The following SEM1 variants were observed in gnomAD, a reference collection of about 807,000 sequenced individuals.
SEM1 encodes the protein SEM1 26S proteasome subunit, also known as 26S proteasome complex subunit SEM1.
Under a neutral mutation model 12.7 loss-of-function variants are expected in SEM1, and 3 were observed. That is an observed-to-expected ratio of 0.24 (90% CI 0.11 to 0.61). The LOEUF is 0.61. SEM1 is among the 20% of genes least tolerant of loss of function. The pLI, the probability that SEM1 is intolerant of heterozygous loss-of-function variation, is 0.88. For missense variants in SEM1, 59 were observed against 81.3 expected (o/e 0.73, Z 1.06); for synonymous variants, 30 against 27.8 (o/e 1.08, Z -0.25).
At chr7:96,684,667 G>A (rs2115753683), downstream of SEM1, among the ~76,000 whole-genome samples, 1 of 152,158 alleles carries the variant, frequency 6.6e-6, no homozygotes, top group East Asian at 1.9e-4. Context: ...GTTGAATGTG[G>A]GTCTATTTAC....
At chr7:96,700,874 C>A (rs369526808) in intron 1 of SEM1, among the ~76,000 whole-genome samples, 3 of 152,076 alleles carry the variant, frequency 2.0e-5, no homozygotes, top group South Asian at 2.1e-4. Flanking sequence ...TCTGTATATA[C>A]CCCTAAATAA....
intron 2 of SEM1, among the ~76,000 whole-genome samples, chr7:96,523,748 T>C (rs1804358425): frequency 6.6e-6 from 1 of 152,150 alleles, no homozygotes; most frequent in Non-Finnish European, 1.5e-5. Context: ...TCAAATATGC[T>C]GGCTCCTTCA....
At chr7:96,583,182 C>T (rs1475025579) in intron 2 of SEM1, among the ~76,000 whole-genome samples, 2 of 150,232 alleles carry the variant, frequency 1.3e-5, no homozygotes, top group African/African-American at 2.5e-5. Flanking sequence ...TCTTTGTTCT[C>T]GTTGGTTTCA....
intron 2 of SEM1, among the ~76,000 whole-genome samples, chr7:96,531,429 CA>C (rs57949407): frequency 1.3e-4 from 19 of 146,352 alleles, no homozygotes; most frequent in Admixed American, 3.4e-4. Context: ...AAAAAAACAA[CA>C]AAAAAAAACA....
chr7:96,502,041 C>G (rs1270904838), intron 3 of SEM1, among the ~76,000 whole-genome samples: 1 of 152,128 alleles, frequency 6.6e-6, no homozygotes, highest in Admixed American at 6.6e-5. Context: ...ATTCATGTTG[C>G]TGCAAAGGAC....
chr7:96,513,510 A>G (rs1803994465), intron 2 of SEM1, among the ~76,000 whole-genome samples: 1 of 152,142 alleles, frequency 6.6e-6, no homozygotes, highest in Non-Finnish European at 1.5e-5. Context: ...GTTTCTTTCC[A>G]GGTCTTTTAT....
At chr7:96,484,123 G>T in intron 3 of SEM1, 2 of 850,996 alleles carry the variant, frequency 2.4e-6, no homozygotes, top group South Asian at 2.0e-5. Context: ...AGAAAACTGA[G>T]GTATAACTGT....
intron 2 of SEM1, among the ~76,000 whole-genome samples, chr7:96,612,632 T>G (rs1043323133): frequency 1.3e-5 from 2 of 152,004 alleles, no homozygotes; most frequent in Non-Finnish European, 1.5e-5. Context: ...TTGCTTTTGG[T>G]TTTTTTTGTT....
chr7:96,603,845 A>G (rs1257740902), intron 2 of SEM1, among the ~76,000 whole-genome samples: 1 of 150,778 alleles, frequency 6.6e-6, no homozygotes, highest in Non-Finnish European at 1.5e-5. Context: ...CACTAAACTT[A>G]CCTTTCCCAC....
intron 3 of SEM1, among the ~76,000 whole-genome samples, chr7:96,503,097 A>G (rs1354675341): frequency 6.6e-6 from 1 of 152,132 alleles, no homozygotes; most frequent in Non-Finnish European, 1.5e-5. Flanking sequence ...ACTGGTCATT[A>G]TTTCTCTACT....
chr7:96,699,729 T>C (rs1388815478), intron 1 of SEM1, among the ~76,000 whole-genome samples: 1 of 152,230 alleles, frequency 6.6e-6, no homozygotes, highest in Admixed American at 6.5e-5. Flanking sequence ...TGAACTGCTG[T>C]TGCACTTTAC....
At chr7:96,693,376 T>C (rs1315147127) in intron 2 of SEM1, among the ~76,000 whole-genome samples, 1 of 152,020 alleles carries the variant, frequency 6.6e-6, no homozygotes, top group Non-Finnish European at 1.5e-5. Context: ...ACTAGACATC[T>C]ATATGCAGAA....
At chr7:96,541,340 G>T (rs1271183958) in intron 2 of SEM1, among the ~76,000 whole-genome samples, 1 of 151,124 alleles carries the variant, frequency 6.6e-6, no homozygotes, top group Admixed American at 6.6e-5. Flanking sequence ...CTGATGGTTA[G>T]TGATGCTGAA....
At chr7:96,577,566 T>C (rs1422164691) in intron 2 of SEM1, among the ~76,000 whole-genome samples, 4 of 152,092 alleles carry the variant, frequency 2.6e-5, no homozygotes, top group East Asian at 3.8e-4. Context: ...AATGTTTCCC[T>C]GAGAATTCAA....
At chr7:96,550,027 G>A (rs936996144) in intron 2 of SEM1, among the ~76,000 whole-genome samples, 3 of 151,656 alleles carry the variant, frequency 2.0e-5, no homozygotes, top group Admixed American at 2.0e-4. Flanking sequence ...GTTGGAAGCT[G>A]GACTTTCTTG....
At chr7:96,653,286 T>A (rs938921465) in intron 2 of SEM1, among the ~76,000 whole-genome samples, 1 of 152,154 alleles carries the variant, frequency 6.6e-6, no homozygotes, top group Non-Finnish European at 1.5e-5. Context: ...GGAAGGTAGA[T>A]TCCTAATAGG....
At chr7:96,647,655 A>C (rs964564564) in intron 2 of SEM1, 2 of 152,166 alleles carry the variant, frequency 1.3e-5, no homozygotes, top group Non-Finnish European at 2.9e-5. Context: ...AGACAAGGAA[A>C]AATAACCTTC....
At chr7:96,529,617 TA>T (rs11442837) in intron 2 of SEM1, among the ~76,000 whole-genome samples, 1,969 of 150,544 alleles carry the variant, frequency 0.013, 45 homozygotes, top group African/African-American at 0.044. Context: ...CAGCTCTTGA[TA>T]AAAAAAAAAT....
chr7:96,565,032 AT>A (rs1465614487), intron 2 of SEM1, among the ~76,000 whole-genome samples: 5 of 152,014 alleles, frequency 3.3e-5, no homozygotes, highest in Middle Eastern at 3.2e-3. Flanking sequence ...ACAGAGAAAG[AT>A]AGATTACACC....
Sources: gnomAD v4.1 joint callset for allele counts (sites outside exome capture counted in the v4.1 genomes callset) on GRCh38, gnomAD v4.1.1 for gene constraint, MANE v1.5 for transcripts, NCBI Gene and HGNC (gene_info 2026-07-23, HGNC 2026-07-21) for gene names.